The following GPATCH8 variants were observed in gnomAD, a reference collection of about 807,000 sequenced individuals.
GPATCH8 encodes G-patch domain containing 8.
In GPATCH8, 18 loss-of-function variants were observed where a neutral mutation model predicts 118.3. That is an observed-to-expected ratio of 0.15 (90% CI 0.11 to 0.23). GPATCH8 has a LOEUF of 0.23. GPATCH8 is among the 10% of genes least tolerant of loss of function. The probability of loss-of-function intolerance (pLI) is 1.00; values close to 1 mark genes in which losing one functional copy is unlikely to be tolerated. For synonymous variants in GPATCH8, 659 were observed against 684.7 expected (o/e 0.96, Z 0.59); for missense variants, 1,631 against 1,873.8 (o/e 0.87, Z 2.39).
intron 3 of GPATCH8, among the ~76,000 whole-genome samples, chr17:44,441,950 C>T (rs2050705419): frequency 6.6e-6 from 1 of 151,878 alleles, no homozygotes; most frequent in Admixed American, 6.6e-5. Context: ...ATCGCTTAAA[C>T]CCGGGAGGCG....
At chr17:44,483,170 AAAAAAAATATATATATATAT>A (rs1478812672) in intron 1 of GPATCH8, among the ~76,000 whole-genome samples, 2 of 21,860 alleles carry the variant, frequency 9.1e-5, no homozygotes, top group African/African-American at 2.5e-4. Context: ...AAAAAAAAAA[AAAAAAAATATATATATATAT>A]ATATATATAT....
Position 44,398,979 on chromosome 17 carries a change from G to A in GPATCH8, c.3098C>T (p.Ser1033Phe). The A allele has an allele frequency of 1.9e-6, 3 of 1,614,108 alleles. No homozygotes were observed. Among genetic ancestry groups the A allele is most frequent in the Middle Eastern group, 1.6e-4 (1 of 6,062 alleles). The change falls in exon 8 of 8, where the codon TCC (serine) becomes TTC (phenylalanine). Residue 1033 changes from serine (S) to phenylalanine (F), a missense_variant. This residue lies in a region of GPATCH8 where 922 missense variants were observed against 879.7 expected (regional missense o/e 1.05). Transcript: ENST00000591680. ...RDFIRSKIYR[S>F]QSPHYFRSGR... is the part of the protein sequence containing the mutation. ...TGATCGGAAATAGTGGGGGGACTGGGAGCGGTAGATCTTAGAACGAATGAA... is the reference window on the plus strand; with the variant it reads ...TGATCGGAAATAGTGGGGGGACTGGAAGCGGTAGATCTTAGAACGAATGAA...
At chr17:44,478,428 C>T (rs906834873) in intron 1 of GPATCH8, among the ~76,000 whole-genome samples, 1 of 152,046 alleles carries the variant, frequency 6.6e-6, no homozygotes, top group Non-Finnish European at 1.5e-5. Flanking sequence ...AGTGGGAGCA[C>T]TGCTGGAGGC....
chr17:44,453,368 C>G (rs1051528350), intron 3 of GPATCH8, among the ~76,000 whole-genome samples: 1 of 152,118 alleles, frequency 6.6e-6, no homozygotes, highest in Non-Finnish European at 1.5e-5. Flanking sequence ...AATGGGACAA[C>G]AGTAATTCTC....
At chr17:44,420,135 C>T (rs2049843508) in intron 6 of GPATCH8, among the ~76,000 whole-genome samples, 1 of 151,516 alleles carries the variant, frequency 6.6e-6, no homozygotes, top group African/African-American at 2.4e-5. Context: ...TTTCCTAGAC[C>T]AGGGATCACA....
At chr17:44,462,757 C>A (rs1041234356) in intron 3 of GPATCH8, among the ~76,000 whole-genome samples, 1 of 151,938 alleles carries the variant, frequency 6.6e-6, no homozygotes, top group Non-Finnish European at 1.5e-5. Context: ...CCGAGGCGGG[C>A]GGATCACGAG....
chr17:44,466,981 ATGAGACATTATGC>A, intron 2 of GPATCH8: 1 of 327,206 alleles, frequency 3.1e-6, no homozygotes, highest in South Asian at 2.6e-5. Context: ...CTAAGTGGAG[ATGAGACATTATGC>A]TGATTGTGTT....
At chr17:44,451,868 A>C (rs191528164) in intron 3 of GPATCH8, among the ~76,000 whole-genome samples, 6 of 152,320 alleles carry the variant, frequency 3.9e-5, no homozygotes, top group South Asian at 2.1e-4. Flanking sequence ...CCACCATCAT[A>C]TCTCTCCAGG....
At chr17:44,446,184 G>T (rs1288420568) in intron 3 of GPATCH8, among the ~76,000 whole-genome samples, 3 of 151,310 alleles carry the variant, frequency 2.0e-5, no homozygotes, top group Non-Finnish European at 4.4e-5. Context: ...TCCTAGCCTC[G>T]AGTTATCCTT....
chr17:44,451,244 C>T (rs146322954), intron 3 of GPATCH8, among the ~76,000 whole-genome samples: 3 of 152,202 alleles, frequency 2.0e-5, no homozygotes, highest in Admixed American at 6.5e-5. Context: ...CAGGCGTGCA[C>T]CAACATGCCT....
intron 2 of GPATCH8, chr17:44,465,143 C>G (rs2144307789): frequency 6.6e-6 from 1 of 151,056 alleles, no homozygotes; most frequent in East Asian, 1.9e-4. Flanking sequence ...CAATATTAAA[C>G]TGAAAAAACA....
chr17:44,436,790 TTAA>T (rs761744169), intron 3 of GPATCH8: 27 of 550,728 alleles, frequency 4.9e-5, no homozygotes, highest in Non-Finnish European at 8.2e-5. Flanking sequence ...CAAAATTACA[TTAA>T]TAAGTAATGC....
chr17:44,490,931 T>C (rs946803164), intron 1 of GPATCH8, among the ~76,000 whole-genome samples: 9 of 152,218 alleles, frequency 5.9e-5, no homozygotes, highest in African/African-American at 1.9e-4. Flanking sequence ...AAGACAGGAA[T>C]TGCCTTAAAT....
At chr17:44,488,170 G>A (rs1167301310) in intron 1 of GPATCH8, among the ~76,000 whole-genome samples, 1 of 148,204 alleles carries the variant, frequency 6.7e-6, no homozygotes, top group Non-Finnish European at 1.5e-5. Flanking sequence ...TGATCCACCT[G>A]CCTCGGCCTC....
intron 1 of GPATCH8, among the ~76,000 whole-genome samples, chr17:44,480,191 T>C (rs886924227): frequency 6.6e-6 from 1 of 152,090 alleles, no homozygotes; most frequent in East Asian, 1.9e-4. Context: ...AGGTGGCAAG[T>C]AAGCACATGA....
intron 1 of GPATCH8, among the ~76,000 whole-genome samples, chr17:44,489,720 C>G (rs1453509653): frequency 6.6e-6 from 1 of 152,102 alleles, no homozygotes; most frequent in Non-Finnish European, 1.5e-5. Flanking sequence ...CCCAAGGGCA[C>G]AACTATAATA....
At chr17:44,478,868 A>G (rs1387598161) in intron 1 of GPATCH8, among the ~76,000 whole-genome samples, 1 of 151,980 alleles carries the variant, frequency 6.6e-6, no homozygotes, top group African/African-American at 2.4e-5. Flanking sequence ...CCTCCCAAGT[A>G]GCTAGGGCAA....
Position 44,397,527 on chromosome 17 carries a change from G to T in GPATCH8, c.*41C>A. On this transcript the variant is annotated 3_prime_UTR_variant, in exon 8 of 8. Transcript: ENST00000591680. ...CAACACCCCCAAGGGAACATTTATG[G>T]GTCTCCTCCCCTGGCCCTACCTAGG... The T allele has an allele frequency of 2.2e-6, 3 of 1,354,340 alleles. No individual in the cohort carries two copies. Among genetic ancestry groups the T allele is most frequent in the Non-Finnish European group, 3.2e-6 (3 of 943,992 alleles). The allele number at this position is 1,354,340 out of a possible 1,614,324, so 83.9% of individuals were successfully genotyped here.
intron 3 of GPATCH8, among the ~76,000 whole-genome samples, chr17:44,437,945 G>GAAAAAAAAAAAAAAAAAAAAAAAAAAAA: frequency 1.6e-5 from 1 of 63,690 alleles, no homozygotes; most frequent in African/African-American, 4.6e-5. Context: ...TCTCATGTCA[G>GAAAAAAAAAAAAAAAAAAAAAAAAAAAA]AAAAAAAAAA....
Sources: gnomAD v4.1 joint callset for allele counts (sites outside exome capture counted in the v4.1 genomes callset) on GRCh38, gnomAD v4.1.1 for gene constraint, gnomAD v4.1.1 regional missense constraint, MANE v1.5 for transcripts, NCBI Gene and HGNC (gene_info 2026-07-23, HGNC 2026-07-21) for gene names.